Variants in RPS6KC1 observed in about 807,000 individuals in gnomAD.
RPS6KC1 encodes the protein inactive ribosomal protein S6 kinase delta-1.
RPS6KC1 carries 54 observed loss-of-function variants against 103.8 expected under a neutral mutation model. The observed-to-expected ratio is 0.52, with a 90% CI of 0.42 to 0.65. The LOEUF (loss-of-function observed/expected upper bound fraction) is 0.65. Among genes scored for constraint, RPS6KC1 ranks in the 30% least tolerant of loss-of-function variants. RPS6KC1 has a pLI of 0.00. For missense variants in RPS6KC1, 1,151 were observed against 1,253.8 expected (o/e 0.92, Z 1.24); for synonymous variants, 439 against 438.7 (o/e 1.00, Z -0.01).
At chr1:213,167,237 G>A (rs1002438340) in intron 6 of RPS6KC1, among the ~76,000 whole-genome samples, 2 of 152,092 alleles carry the variant, frequency 1.3e-5, no homozygotes, top group Middle Eastern at 3.2e-3. Context: ...TGAGGGGAAG[G>A]GGTAGAAGAG....
chr1:213,269,153 G>A (rs899990234), intron 14 of RPS6KC1, among the ~76,000 whole-genome samples: 2 of 152,158 alleles, frequency 1.3e-5, no homozygotes, highest in Non-Finnish European at 2.9e-5. Flanking sequence ...CAGTAACCAC[G>A]AAAGAGCTGG....
rs2095075197 is a variant in RPS6KC1, at chr1:213,272,770, GA to G, written c.*139del. 1 of 630,530 alleles carries G rather than the reference GA, an allele frequency of 1.6e-6. No individual in the cohort carries two copies. The highest frequency in any genetic ancestry group is 2.8e-6 in the Non-Finnish European group (1 of 352,786). 39.1% of individuals were successfully genotyped at this position (630,530 alleles called of 1,614,324 possible). A position where few individuals can be genotyped will look rare whatever the true frequency, so the allele number is the denominator to read the frequency against. ...AAAGACCGTTATAGGAAATGGGGGG[GA>G]AATGGCTAAAAGAGAACAATTCGTT... On this transcript the variant is annotated 3_prime_UTR_variant, in exon 15 of 15. Coordinates refer to ENST00000366960, the MANE Select transcript of RPS6KC1 (RefSeq NM_012424.6).
chr1:213,287,329 A>G, the RPS6KC1 span, among the ~76,000 whole-genome samples: 373 of 152,080 alleles, frequency 2.5e-3, no homozygotes, highest in Admixed American at 4.3e-3. Context: ...GTGTCCATTT[A>G]CCAGACGTCA....
At chr1:213,231,789 T>C (rs926239921) in intron 9 of RPS6KC1, among the ~76,000 whole-genome samples, 11 of 152,208 alleles carry the variant, frequency 7.2e-5, no homozygotes, top group African/African-American at 2.4e-4. Context: ...TTTAAAGATA[T>C]AGATAAGTAA....
chr1:213,748,102 A>C, the RPS6KC1 span, among the ~76,000 whole-genome samples: 1 of 152,212 alleles, frequency 6.6e-6, no homozygotes, highest in Non-Finnish European at 1.5e-5. Flanking sequence ...TAGCCAAGGC[A>C]AGAGCATCAC....
At chr1:213,503,770 T>C in the RPS6KC1 span, among the ~76,000 whole-genome samples, 1 of 152,226 alleles carries the variant, frequency 6.6e-6, no homozygotes, top group African/African-American at 2.4e-5. Flanking sequence ...TTAGTAAGGA[T>C]ATGCAGAAAC....
chr1:213,473,069 G>A, the RPS6KC1 span, among the ~76,000 whole-genome samples: 1 of 152,206 alleles, frequency 6.6e-6, no homozygotes, highest in African/African-American at 2.4e-5. Context: ...TAAATGCCTA[G>A]TATAAAACAT....
chr1:213,757,804 G>A, the RPS6KC1 span, among the ~76,000 whole-genome samples: 1 of 152,200 alleles, frequency 6.6e-6, no homozygotes, highest in Non-Finnish European at 1.5e-5. Context: ...TGACTCTCTT[G>A]TTTCAGGCTA....
chr1:213,632,862 T>A, the RPS6KC1 span, among the ~76,000 whole-genome samples: 1 of 152,200 alleles, frequency 6.6e-6, no homozygotes, highest in East Asian at 1.9e-4. Flanking sequence ...AATGACCTGA[T>A]GGAGCTGAAA....
At chr1:213,151,708 C>T (rs1163957118) in intron 6 of RPS6KC1, among the ~76,000 whole-genome samples, 37 of 119,586 alleles carry the variant, frequency 3.1e-4, no homozygotes, top group East Asian at 1.8e-3. Flanking sequence ...CCGGACGGGG[C>T]GGCTGGCCGG....
At chr1:213,743,519 A>G in the RPS6KC1 span, among the ~76,000 whole-genome samples, 1 of 152,224 alleles carries the variant, frequency 6.6e-6, no homozygotes, top group South Asian at 2.1e-4. Context: ...GAGAAAAAAA[A>G]TAAGTAAAAT....
chr1:213,359,539 G>A, the RPS6KC1 span, among the ~76,000 whole-genome samples: 1 of 152,120 alleles, frequency 6.6e-6, no homozygotes, highest in Non-Finnish European at 1.5e-5. Context: ...TCTAATTGGA[G>A]CATTTAGCCC....
chr1:213,578,166 C>T, the RPS6KC1 span, among the ~76,000 whole-genome samples: 1 of 152,236 alleles, frequency 6.6e-6, no homozygotes, highest in Non-Finnish European at 1.5e-5. Context: ...AGCCAAAAGC[C>T]TTGGCAGCTT....
At chr1:213,066,857 A>T (rs2078375684) in intron 1 of RPS6KC1, among the ~76,000 whole-genome samples, 2 of 152,196 alleles carry the variant, frequency 1.3e-5, no homozygotes, top group South Asian at 4.1e-4. Flanking sequence ...TGTAAAAGGA[A>T]AATAAATCTT....
At chr1:213,202,484 G>C (rs554854945) in intron 8 of RPS6KC1, among the ~76,000 whole-genome samples, 1 of 151,886 alleles carries the variant, frequency 6.6e-6, no homozygotes, top group Non-Finnish European at 1.5e-5. Flanking sequence ...GTGGTGGCGG[G>C]TGCCTGTAAT....
intron 2 of RPS6KC1, among the ~76,000 whole-genome samples, chr1:213,075,836 T>G (rs1302619873): frequency 6.6e-6 from 1 of 152,204 alleles, no homozygotes; most frequent in Non-Finnish European, 1.5e-5. Flanking sequence ...TCACCCCCGG[T>G]GCCCTCCCCT....
At chr1:213,391,026 A>C in the RPS6KC1 span, among the ~76,000 whole-genome samples, 1 of 151,880 alleles carries the variant, frequency 6.6e-6, no homozygotes, top group Non-Finnish European at 1.5e-5. Flanking sequence ...CCCCCATCTA[A>C]TTGTCTGATG....
At chr1:213,719,077 A>G in the RPS6KC1 span, among the ~76,000 whole-genome samples, 1 of 152,240 alleles carries the variant, frequency 6.6e-6, no homozygotes, top group South Asian at 2.1e-4. Flanking sequence ...GCCATGGGCC[A>G]TTGTTTAAGG....
chr1:213,448,186 C>T, the RPS6KC1 span, among the ~76,000 whole-genome samples: 4 of 126,640 alleles, frequency 3.2e-5, no homozygotes, highest in Non-Finnish European at 6.2e-5. Context: ...GCTATGATCA[C>T]ACCATTGCAC....
Sources: gnomAD v4.1 joint callset for allele counts (sites outside exome capture counted in the v4.1 genomes callset) on GRCh38, gnomAD v4.1.1 for gene constraint, MANE v1.5 for transcripts, NCBI Gene and HGNC (gene_info 2026-07-23, HGNC 2026-07-21) for gene names.